CDC42SE2: variants seen among roughly 807,000 people sequenced by gnomAD.
CDC42SE2 encodes the protein CDC42 small effector protein 2.
A neutral mutation model predicts 11.5 loss-of-function variants in CDC42SE2; 3 were observed. The ratio of observed to expected loss-of-function variants is 0.26; its 90% CI spans 0.12 to 0.67. CDC42SE2 has a LOEUF of 0.67. CDC42SE2 is among the 30% of genes least tolerant of loss of function. CDC42SE2 has a pLI of 0.80. For synonymous variants in CDC42SE2, 33 were observed against 34.8 expected, an observed-to-expected ratio of 0.95 and a Z score of 0.18; for missense variants, 82 against 106.8, an observed-to-expected ratio of 0.77 and a Z score of 1.02.
intron 1 of CDC42SE2, among the ~76,000 whole-genome samples, chr5:131,269,295 A>G (rs967751888): frequency 6.6e-6 from 1 of 152,178 alleles, no homozygotes; most frequent in South Asian, 2.1e-4. Context: ...GATTATGGTA[A>G]AACATACTCC....
chr5:131,216,597 C>G, the CDC42SE2 span, among the ~76,000 whole-genome samples: 2 of 150,884 alleles, frequency 1.3e-5, no homozygotes, highest in African/African-American at 4.9e-5. Context: ...GCCATTGACA[C>G]AGGGTGAGGA....
chr5:131,382,189 C>T (rs1226733200), intron 3 of CDC42SE2, among the ~76,000 whole-genome samples: 1 of 152,180 alleles, frequency 6.6e-6, no homozygotes, highest in Non-Finnish European at 1.5e-5. Flanking sequence ...CTGAAGTCTT[C>T]CCATCCTTTG....
rs1750781732 is a variant in CDC42SE2, at chr5:131,394,224, A to G, written c.*3133A>G. ...GTTAATCTTTGCTGAAATATATGCTAACAAATGTTAAGCAAGGGAAACTGA... is the reference window on the plus strand; with the variant it reads ...GTTAATCTTTGCTGAAATATATGCTGACAAATGTTAAGCAAGGGAAACTGA... On this transcript the variant is annotated 3_prime_UTR_variant, in exon 5 of 5. Coordinates refer to ENST00000505065, the MANE Select transcript of CDC42SE2 (RefSeq NM_001375635.1). 1 of 152,364 alleles carries G rather than the reference A, an allele frequency of 6.6e-6. No homozygotes were observed. The highest frequency in any genetic ancestry group is 2.4e-5 in the African/African-American group (1 of 41,462). The allele number at this position is 152,364 out of a possible 1,614,324, so 9.4% of individuals were successfully genotyped here. A position where few individuals can be genotyped will look rare whatever the true frequency, so the allele number is the denominator to read the frequency against.
chr5:131,287,436 G>A (rs955633205), intron 1 of CDC42SE2, among the ~76,000 whole-genome samples: 2 of 151,840 alleles, frequency 1.3e-5, no homozygotes, highest in Admixed American at 1.3e-4. Flanking sequence ...TTCATTGGAA[G>A]TAAATGGATG....
intron 1 of CDC42SE2, among the ~76,000 whole-genome samples, chr5:131,265,807 G>A (rs538414260): frequency 1.8e-4 from 27 of 152,296 alleles, no homozygotes; most frequent in African/African-American, 5.5e-4. Flanking sequence ...CATTTAATAA[G>A]CTAGTGTTTT....
At chr5:131,321,415 A>G (rs544720895) in intron 2 of CDC42SE2, among the ~76,000 whole-genome samples, 23 of 152,230 alleles carry the variant, frequency 1.5e-4, no homozygotes, top group Middle Eastern at 3.4e-3. Flanking sequence ...AGTCCTAGTT[A>G]TTTGGGAGGC....
intron 1 of CDC42SE2, among the ~76,000 whole-genome samples, chr5:131,268,658 G>A (rs1278470660): frequency 1.3e-5 from 2 of 151,030 alleles, no homozygotes; most frequent in Non-Finnish European, 2.9e-5. Context: ...CTCCATGTTG[G>A]TGAGGCTGGT....
chr5:131,275,988 C>T (rs1757092225), intron 1 of CDC42SE2, among the ~76,000 whole-genome samples: 1 of 151,798 alleles, frequency 6.6e-6, no homozygotes, highest in Non-Finnish European at 1.5e-5. Flanking sequence ...TATTTGTGTT[C>T]CTAAAAATGC....
At chr5:131,288,781 A>G (rs1195309146) in intron 1 of CDC42SE2, among the ~76,000 whole-genome samples, 1 of 152,298 alleles carries the variant, frequency 6.6e-6, no homozygotes, top group East Asian at 1.9e-4. Context: ...CCTACTGACT[A>G]CTTTGGCAAG....
At chr5:131,280,680 T>C (rs541280919) in intron 1 of CDC42SE2, among the ~76,000 whole-genome samples, 2 of 152,300 alleles carry the variant, frequency 1.3e-5, no homozygotes, top group African/African-American at 4.8e-5. Context: ...GGATTCTATG[T>C]ACAGCAGAAT....
At chr5:131,306,485 T>A (rs896683313) in intron 1 of CDC42SE2, among the ~76,000 whole-genome samples, 3 of 152,208 alleles carry the variant, frequency 2.0e-5, no homozygotes, top group Non-Finnish European at 4.4e-5. Context: ...ATGTTCTGTA[T>A]TGATTACTAT....
At chr5:131,239,596 G>C in the CDC42SE2 span, among the ~76,000 whole-genome samples, 6 of 151,990 alleles carry the variant, frequency 3.9e-5, no homozygotes, top group Non-Finnish European at 8.8e-5. Flanking sequence ...TGTGAACCTA[G>C]CTTCAGTGTA....
intron 1 of CDC42SE2, among the ~76,000 whole-genome samples, chr5:131,296,151 G>C (rs1276724034): frequency 6.6e-6 from 1 of 152,138 alleles, no homozygotes; most frequent in Non-Finnish European, 1.5e-5. Flanking sequence ...TGAATAAGTG[G>C]GATATTTAAT....
chr5:131,282,090 T>C (rs1757247791), intron 1 of CDC42SE2, among the ~76,000 whole-genome samples: 1 of 152,170 alleles, frequency 6.6e-6, no homozygotes, highest in Non-Finnish European at 1.5e-5. Flanking sequence ...TTTCCCTGTC[T>C]AAGGAGGAGA....
At chr5:131,267,517 G>A (rs1311237473) in intron 1 of CDC42SE2, among the ~76,000 whole-genome samples, 1 of 152,158 alleles carries the variant, frequency 6.6e-6, no homozygotes, top group East Asian at 1.9e-4. Context: ...ATCAGGGTAT[G>A]TGTGTCTGTT....
At chr5:131,278,720 CCCTCCCCCCT>C (rs1348495858) in intron 1 of CDC42SE2, among the ~76,000 whole-genome samples, 2 of 28,086 alleles carry the variant, frequency 7.1e-5, no homozygotes, top group Non-Finnish European at 1.4e-4. Context: ...CTCTCCCCTC[CCCTCCCCCCT>C]CCCCTCCCCT....
chr5:131,332,743 T>C (rs1022530757), intron 2 of CDC42SE2, among the ~76,000 whole-genome samples: 5 of 152,204 alleles, frequency 3.3e-5, no homozygotes, highest in Admixed American at 6.5e-5. Flanking sequence ...TTTTCATGTG[T>C]TTTTTGGCTG....
Position 131,315,623 on chromosome 5 carries a change from G to T in CDC42SE2, c.-454-353G>T, listed in dbSNP as rs143224778. ...CAGATATTCTGATTTTTCAAGAGAG[G>T]TCCAAAATCTGGATTTTCATGTAAA... On this transcript the variant is annotated intron_variant, in intron 1 of 4. Transcript: ENST00000505065. Among the ~76,000 whole-genome samples the T allele has an allele frequency of 2.0e-5, 3 of 152,214 alleles. No individual in the cohort carries two copies. The East Asian group carries it at 5.8e-4, about 29-fold the overall frequency.
intron 1 of CDC42SE2, among the ~76,000 whole-genome samples, chr5:131,269,353 A>T (rs1756943921): frequency 6.6e-6 from 1 of 152,222 alleles, no homozygotes; most frequent in South Asian, 2.1e-4. Flanking sequence ...AAATCTAGGT[A>T]CCTTTGAAAT....
Sources: gnomAD v4.1 joint callset for allele counts (sites outside exome capture counted in the v4.1 genomes callset) on GRCh38, gnomAD v4.1.1 for gene constraint, MANE v1.5 for transcripts, NCBI Gene and HGNC (gene_info 2026-07-23, HGNC 2026-07-21) for gene names.